Variants in PDE4D observed in about 807,000 individuals in gnomAD.
The protein encoded by PDE4D is 3',5'-cyclic-AMP phosphodiesterase 4D.
A neutral mutation model predicts 87.4 loss-of-function variants in PDE4D; 24 were observed. That is an observed-to-expected ratio of 0.27 (90% confidence interval 0.20 to 0.39). PDE4D has a LOEUF of 0.39. PDE4D is among the 10% of genes least tolerant of loss of function. PDE4D has a pLI of 1.00. For synonymous variants in PDE4D, 384 were observed against 383.2 expected, an observed-to-expected ratio of 1.00 and a Z score of -0.02; for missense variants, 714 against 1,041.0, an observed-to-expected ratio of 0.69 and a Z score of 4.32.
At chr5:59,646,037 T>C (rs1283889286) in intron 1 of PDE4D, among the ~76,000 whole-genome samples, 2 of 152,284 alleles carry the variant, frequency 1.3e-5, no homozygotes, top group Admixed American at 6.5e-5. Context: ...AAAAAAATCA[T>C]AGAAATGTAT....
intron 1 of PDE4D, among the ~76,000 whole-genome samples, chr5:59,334,490 T>G (rs973498278): frequency 3.9e-5 from 6 of 152,076 alleles, no homozygotes; most frequent in Admixed American, 3.9e-4. Flanking sequence ...ACTCCTGACC[T>G]CAGGTGATCT....
intron 2 of PDE4D, among the ~76,000 whole-genome samples, chr5:60,028,842 A>T (rs1450129939): frequency 6.6e-6 from 1 of 152,200 alleles, no homozygotes; most frequent in East Asian, 1.9e-4. Flanking sequence ...TTGCTGAATA[A>T]ATAAACCCCT....
In PDE4D at chr5:59,016,626, T is replaced by G. The variant is rs144899405; in HGVS notation, c.921+22233A>C. 1.5e-3 allele frequency among the ~76,000 whole-genome samples: 234 copies of G among 152,256 alleles called. 1 individual carries two copies. The highest frequency in any genetic ancestry group is 5.4e-3 in the African/African-American group (224 of 41,556). On this transcript the variant is annotated intron_variant, in intron 6 of 14. Transcript: ENST00000340635. ...AATACATATTCTTTCTTTATTCTGT[T>G]TAACTTAGCATTTCTGAAACCTATC...
intron 2 of PDE4D, among the ~76,000 whole-genome samples, chr5:60,046,572 A>C (rs1218636601): frequency 3.3e-5 from 5 of 152,202 alleles, no homozygotes; most frequent in Non-Finnish European, 7.3e-5. Flanking sequence ...AGTTTTTAGC[A>C]TGAAGCATTG....
chr5:59,832,122 G>A (rs115201741), intron 1 of PDE4D, among the ~76,000 whole-genome samples: 2,326 of 152,164 alleles, frequency 0.015, 61 homozygotes, highest in African/African-American at 0.053. Flanking sequence ...GGAAAAGTGC[G>A]GGATCGAAAA....
intron 1 of PDE4D, among the ~76,000 whole-genome samples, chr5:60,315,825 T>C (rs1483818284): frequency 6.6e-6 from 1 of 151,940 alleles, no homozygotes; most frequent in Admixed American, 6.5e-5. Context: ...CTGAGGTCTC[T>C]GTTCTGTTCC....
chr5:60,225,336 AAT>A (rs1322535513), intron 1 of PDE4D, among the ~76,000 whole-genome samples: 25 of 152,144 alleles, frequency 1.6e-4, no homozygotes, highest in African/African-American at 5.1e-4. Context: ...AAAGACCATT[AAT>A]AAACGTTTTT....
chr5:59,157,982 G>A (rs889537100), intron 5 of PDE4D, among the ~76,000 whole-genome samples: 9 of 152,208 alleles, frequency 5.9e-5, no homozygotes, highest in African/African-American at 2.2e-4. Flanking sequence ...GTATTGATTT[G>A]CGTGAGTGGC....
chr5:60,147,038 C>A (rs1781066075), intron 2 of PDE4D, among the ~76,000 whole-genome samples: 1 of 152,126 alleles, frequency 6.6e-6, no homozygotes, highest in South Asian at 2.1e-4. Context: ...TTAATACAAG[C>A]ACCATTCAAA....
chr5:59,740,500 C>G (rs1758683459), intron 1 of PDE4D, among the ~76,000 whole-genome samples: 1 of 152,136 alleles, frequency 6.6e-6, no homozygotes, highest in Admixed American at 6.5e-5. Context: ...AATAGGGGCA[C>G]AATCACGTGG....
At chr5:59,866,400 A>T (rs1747047900) in intron 1 of PDE4D, among the ~76,000 whole-genome samples, 1 of 152,194 alleles carries the variant, frequency 6.6e-6, no homozygotes, top group African/African-American at 2.4e-5. Flanking sequence ...TATATATTGC[A>T]AATTCCAAAA....
chr5:59,455,754 A>G (rs768770176), intron 1 of PDE4D, among the ~76,000 whole-genome samples: 23 of 152,240 alleles, frequency 1.5e-4, no homozygotes, highest in Non-Finnish European at 2.9e-4. Context: ...TGCACCCTGC[A>G]GAGCCACAGG....
chr5:59,386,141 G>T (rs889909854), intron 1 of PDE4D, among the ~76,000 whole-genome samples: 1 of 152,010 alleles, frequency 6.6e-6, no homozygotes, highest in Non-Finnish European at 1.5e-5. Flanking sequence ...TGAACATATG[G>T]TCCATTCACT....
intron 1 of PDE4D, among the ~76,000 whole-genome samples, chr5:59,404,768 A>T (rs1184335410): frequency 1.3e-5 from 2 of 151,676 alleles, no homozygotes; most frequent in Non-Finnish European, 2.9e-5. Flanking sequence ...TTAAGTCTTT[A>T]TTCCATTTTG....
rs77340062 is a variant in PDE4D, at chr5:59,661,849, G to C, written c.455+231319C>G. Among the ~76,000 whole-genome samples, 365 of 152,308 alleles carry C rather than the reference G, an allele frequency of 2.4e-3. 11 individuals are homozygous for C. In the East Asian group the frequency reaches 0.058, roughly 24 times the overall value. ...CAGGATAAAGCTGTGGCTGGGGATA[G>C]GCATTCTGTCCTGTTTGCCTGGGGT... is the stretch of plus-strand genomic sequence containing the variant. On this transcript the variant is annotated intron_variant, in intron 1 of 14. Transcript: ENST00000340635.
intron 1 of PDE4D, among the ~76,000 whole-genome samples, chr5:59,589,701 T>C (rs1051467061): frequency 2.6e-5 from 4 of 152,216 alleles, no homozygotes; most frequent in African/African-American, 9.6e-5. Flanking sequence ...TGAATCTTTC[T>C]CCACTACCAC....
intron 1 of PDE4D, among the ~76,000 whole-genome samples, chr5:59,775,243 G>T (rs1763962041): frequency 6.6e-6 from 1 of 151,946 alleles, no homozygotes; most frequent in Non-Finnish European, 1.5e-5. Context: ...ATATTTCTGG[G>T]TTTTATTTCA....
rs966341665 is a variant in PDE4D at position 59,719,516 on chromosome 5, C to T, written c.455+173652G>A. ...ATAATTTAATAATGCCTGTGCTTTC[C>T]AACCAGGTCTCAAAATCATTGAATA... On this transcript the variant is annotated intron_variant, in intron 1 of 14. Coordinates refer to ENST00000340635, the MANE Select transcript of PDE4D (RefSeq NM_001104631.2). Among the ~76,000 whole-genome samples, 54 of 152,062 alleles carry T rather than the reference C, an allele frequency of 3.6e-4. 1 individual carries two copies. Among genetic ancestry groups the T allele is most frequent in the African/African-American group, 1.3e-3 (53 of 41,394 alleles).
intron 2 of PDE4D, among the ~76,000 whole-genome samples, chr5:60,046,626 A>G (rs1397356835): frequency 6.6e-6 from 1 of 152,146 alleles, no homozygotes; most frequent in Non-Finnish European, 1.5e-5. Flanking sequence ...TGAGATAATC[A>G]TGTGGTTTTT....
Sources: gnomAD v4.1 joint callset for allele counts (sites outside exome capture counted in the v4.1 genomes callset) on GRCh38, gnomAD v4.1.1 for gene constraint, MANE v1.5 for transcripts, NCBI Gene and HGNC (gene_info 2026-07-23, HGNC 2026-07-21) for gene names.